The following KHDRBS2 variants were observed in gnomAD, a reference collection of about 807,000 sequenced individuals.
KHDRBS2 encodes the protein KH RNA binding domain containing, signal transduction associated 2, also known as KH domain-containing, RNA-binding, signal transduction-associated protein 2.
Under a neutral mutation model 44.3 loss-of-function variants are expected in KHDRBS2, and 26 were observed. The observed-to-expected ratio is 0.59, with a 90% CI of 0.43 to 0.81. KHDRBS2 has a LOEUF of 0.81. Ranked by LOEUF, KHDRBS2 falls within the 40% of genes least tolerant of loss-of-function variation. The pLI is 0.00. For synonymous variants in KHDRBS2, 194 were observed against 151.1 expected (o/e 1.28, Z -2.08); for missense variants, 476 against 433.1 (o/e 1.10, Z -0.88).
At chr6:61,548,288 G>A in the KHDRBS2 span, among the ~76,000 whole-genome samples, 1 of 151,996 alleles carries the variant, frequency 6.6e-6, no homozygotes, top group East Asian at 1.9e-4. Context: ...ATTTTATGAG[G>A]GCTATATATA....
the KHDRBS2 span, among the ~76,000 whole-genome samples, chr6:61,551,847 C>CT: frequency 0.19 from 28,395 of 151,518 alleles, 3,018 homozygotes; most frequent in East Asian, 0.29. Context: ...TTACTCAGGC[C>CT]TTTTTTTTGG....
rs1228663590 is a variant in KHDRBS2 at position 61,967,957 on chromosome 6, T to TATATAC, written c.483+10108_483+10109insGTATAT. The stretch of plus-strand genomic sequence containing the variant: ...GTATATATATATATATATATATATA[T>TATATAC]ACACACACACACACATGCACACACA... On this transcript the variant is annotated intron_variant, in intron 4 of 8. Coordinates refer to ENST00000281156, the MANE Select transcript of KHDRBS2 (RefSeq NM_152688.4). 5.5e-3 allele frequency among the ~76,000 whole-genome samples: 408 copies of TATATAC among 73,560 alleles called. 4 individuals are homozygous for TATATAC. The highest frequency in any genetic ancestry group is 0.018 in the African/African-American group (384 of 21,536). 48.3% of individuals were successfully genotyped at this position (73,560 alleles called of 152,430 possible).
At chr6:62,084,039 T>C (rs1417862100) in intron 2 of KHDRBS2, among the ~76,000 whole-genome samples, 1 of 152,160 alleles carries the variant, frequency 6.6e-6, no homozygotes, top group Non-Finnish European at 1.5e-5. Flanking sequence ...TAACCAGATA[T>C]TTTGTTATTC....
In KHDRBS2 at chr6:61,848,503, ATATATATG is replaced by A. The variant is rs1172313707; in HGVS notation, c.810+46124_810+46131del. The stretch of plus-strand genomic sequence containing the variant: ...TATATATATATATGTATATATATAT[ATATATATG>A]TATATATGTATATATATATACATAT... On this transcript the variant is annotated intron_variant, in intron 6 of 8. Coordinates refer to ENST00000281156, the MANE Select transcript of KHDRBS2 (RefSeq NM_152688.4). Among the ~76,000 whole-genome samples, 5 of 59,084 alleles carry A rather than the reference ATATATATG, an allele frequency of 8.5e-5. No homozygotes were observed. The South Asian group carries it at 1.6e-3, about 19-fold the overall frequency. 38.8% of individuals were successfully genotyped at this position (59,084 alleles called of 152,430 possible).
intron 6 of KHDRBS2, among the ~76,000 whole-genome samples, chr6:61,807,769 T>G (rs1036277749): frequency 2.0e-5 from 3 of 152,092 alleles, no homozygotes; most frequent in African/African-American, 7.2e-5. Context: ...TAAACCCTCA[T>G]GGCACACAGT....
intron 7 of KHDRBS2, among the ~76,000 whole-genome samples, chr6:61,729,001 C>T (rs1225746146): frequency 2.6e-5 from 4 of 151,570 alleles, no homozygotes; most frequent in African/African-American, 9.7e-5. Flanking sequence ...GAATATAAAT[C>T]ATTCTGTTAT....
chr6:61,930,583 G>C (rs1432109270), intron 4 of KHDRBS2, among the ~76,000 whole-genome samples: 2 of 127,350 alleles, frequency 1.6e-5, no homozygotes, highest in African/African-American at 6.5e-5. Flanking sequence ...GTCTAGTCTA[G>C]TTACTCGGGA....
At chr6:62,152,477 C>T (rs941741527) in intron 2 of KHDRBS2, among the ~76,000 whole-genome samples, 5 of 152,210 alleles carry the variant, frequency 3.3e-5, no homozygotes, top group Admixed American at 3.3e-4. Context: ...TTGATAATCT[C>T]GTTTTAGAGA....
the KHDRBS2 span, among the ~76,000 whole-genome samples, chr6:61,645,269 A>G: frequency 6.6e-6 from 1 of 152,136 alleles, no homozygotes; most frequent in African/African-American, 2.4e-5. Context: ...TAATGAGAAC[A>G]TATGGACACA....
the KHDRBS2 span, among the ~76,000 whole-genome samples, chr6:61,660,838 C>T: frequency 6.6e-6 from 1 of 151,806 alleles, no homozygotes; most frequent in African/African-American, 2.4e-5. Flanking sequence ...TAGGCAAAGG[C>T]TCGATAAAGA....
intron 2 of KHDRBS2, among the ~76,000 whole-genome samples, chr6:62,052,101 G>T (rs182992046): frequency 1.3e-5 from 2 of 152,024 alleles, no homozygotes; most frequent in African/African-American, 4.8e-5. Flanking sequence ...ATTAAAAATA[G>T]AACTACTATA....
At chr6:61,783,444 C>T (rs755511469) in intron 6 of KHDRBS2, among the ~76,000 whole-genome samples, 12 of 151,988 alleles carry the variant, frequency 7.9e-5, no homozygotes, top group African/African-American at 1.4e-4. Context: ...ATATTTTGTT[C>T]CTAGCACTGC....
intron 2 of KHDRBS2, among the ~76,000 whole-genome samples, chr6:62,168,087 AAGT>A (rs1359084200): frequency 6.6e-6 from 1 of 152,112 alleles, no homozygotes; most frequent in Non-Finnish European, 1.5e-5. Context: ...GAATAAGAAG[AAGT>A]ATAGAGCAAG....
intron 2 of KHDRBS2, among the ~76,000 whole-genome samples, chr6:62,131,908 A>T (rs1179262516): frequency 1.3e-5 from 2 of 152,210 alleles, no homozygotes; most frequent in Non-Finnish European, 2.9e-5. Context: ...AGTATGTGAA[A>T]GGTTCTAACA....
At chr6:61,617,475 G>T in the KHDRBS2 span, among the ~76,000 whole-genome samples, 1 of 152,016 alleles carries the variant, frequency 6.6e-6, no homozygotes, top group Non-Finnish European at 1.5e-5. Flanking sequence ...TTTTGTTGCA[G>T]CAGTGCTTTA....
At chr6:61,922,050 A>G (rs1364624967) in intron 4 of KHDRBS2, among the ~76,000 whole-genome samples, 1 of 151,958 alleles carries the variant, frequency 6.6e-6, no homozygotes, top group Non-Finnish European at 1.5e-5. Context: ...ATCATTTTAT[A>G]TGTATTAGCC....
At chr6:61,789,639 G>A (rs1228426474) in intron 6 of KHDRBS2, among the ~76,000 whole-genome samples, 3 of 151,368 alleles carry the variant, frequency 2.0e-5, no homozygotes, top group Admixed American at 6.6e-5. Flanking sequence ...ACAGGCTTTG[G>A]GGTGGCTCTT....
At chr6:62,155,699 A>G (rs952421796) in intron 2 of KHDRBS2, among the ~76,000 whole-genome samples, 5 of 152,260 alleles carry the variant, frequency 3.3e-5, no homozygotes, top group African/African-American at 1.2e-4. Context: ...TACTATTTAT[A>G]TAATCAAAAA....
intron 4 of KHDRBS2, 66 bp downstream of exon 4, chr6:61,978,000 A>G (rs2127403070): frequency 1.5e-6 from 2 of 1,322,926 alleles, no homozygotes; most frequent in Non-Finnish European, 2.1e-6. Flanking sequence ...GTCAGTGAAG[A>G]TCAAAGGTGC....
Sources: allele counts gnomAD v4.1 joint callset (sites outside exome capture counted in the v4.1 genomes callset), GRCh38; gene constraint gnomAD v4.1.1; transcripts MANE v1.5; gene names NCBI Gene and HGNC (gene_info 2026-07-23, HGNC 2026-07-21).